RNPEPL1: variants seen among roughly 807,000 people sequenced by gnomAD.
RNPEPL1 encodes arginyl aminopeptidase like 1.
Under a neutral mutation model 69.0 loss-of-function variants are expected in RNPEPL1, and 46 were observed. That is an observed-to-expected ratio of 0.67 (90% CI 0.53 to 0.85). The LOEUF is 0.85. Ranked by LOEUF, RNPEPL1 falls within the 40% of genes least tolerant of loss-of-function variation. The pLI is 0.00. For missense variants in RNPEPL1, 869 were observed against 992.5 expected (o/e 0.88, Z 1.67); for synonymous variants, 525 against 454.1 (o/e 1.16, Z -1.98).
Position 240,573,781 on chromosome 2 carries a change from C to T in RNPEPL1, c.828C>T (p.Arg276=), listed in dbSNP as rs1201504194. 16 of 1,540,506 alleles carry T rather than the reference C, an allele frequency of 1.0e-5. No homozygotes were observed. The highest frequency in any genetic ancestry group is 4.0e-5 in the Admixed American group (2 of 50,396). ...CCCTCTCTGCATGCACCAGGAGCCGCGTGTGGGCCGAGCCATGCCTCCTGC... is the reference window on the plus strand; with the variant it reads ...CCCTCTCTGCATGCACCAGGAGCCGTGTGTGGGCCGAGCCATGCCTCCTGC... The part of the protein sequence containing the change: ...LKPADIGPRS[R]VWAEPCLLPT... The change falls in exon 4 of 11, where the codon CGC becomes CGT. Residue 276 remains arginine (R), a synonymous_variant. Coordinates refer to ENST00000270357, the MANE Select transcript of RNPEPL1 (RefSeq NM_018226.6).
At position 240,574,050 on chromosome 2, in the gene RNPEPL1, C is replaced by T. The variant is rs1325508857; in HGVS notation, c.939-63C>T. ...TCCCTGCTGGGTGGAAGGTGGGGTG[C>T]GGGTGTGCAGGGTGGGAGTCTGAGC... On this transcript the variant is annotated intron_variant, in intron 4 of 10. Transcript: ENST00000270357. 2.2e-5 allele frequency: 33 copies of T among 1,479,142 alleles called. 2 individuals are homozygous for T. Among genetic ancestry groups the T allele is most frequent in the South Asian group, 3.6e-5 (3 of 84,208 alleles). The allele number at this position is 1,479,142 out of a possible 1,614,324, so 91.6% of individuals were successfully genotyped here. A position where few individuals can be genotyped will look rare whatever the true frequency, so the allele number is the denominator to read the frequency against.
chr2:240,575,027 C>T lies in RNPEPL1; in HGVS notation c.1289-3C>T. Reference sequence around the variant, plus strand: ...CCAGCCCAGGTGGGTGTTCACCTTGCAGGAGTGAATCCCAGCCACCTGATG... The same window carrying T: ...CCAGCCCAGGTGGGTGTTCACCTTGTAGGAGTGAATCCCAGCCACCTGATG... On this transcript the variant is annotated splice_polypyrimidine_tract_variant and splice_region_variant and intron_variant, in intron 6 of 10. Transcript: ENST00000270357. 6.2e-7 allele frequency: 1 copy of T among 1,611,720 alleles called. No individual in the cohort carries two copies. The highest frequency in any genetic ancestry group is 8.5e-7 in the Non-Finnish European group (1 of 1,178,162).
chr2:240,575,829 C>T (rs911761907), intron 8 of RNPEPL1: 1 of 573,232 alleles, frequency 1.7e-6, no homozygotes, highest in Non-Finnish European at 3.1e-6. Flanking sequence ...ACAGGCTAAG[C>T]AGGCCGAGTC....
At position 240,580,380 on chromosome 2, in the gene RNPEPL1, C is replaced by A. The variant is rs749297968; in HGVS notation, c.*2488C>A. 7 of 152,248 alleles carry A rather than the reference C, an allele frequency of 4.6e-5. No homozygotes were observed. The highest frequency in any genetic ancestry group is 8.8e-5 in the Non-Finnish European group (6 of 68,088). 9.4% of individuals were successfully genotyped at this position (152,248 alleles called of 1,614,324 possible). A position where few individuals can be genotyped will look rare whatever the true frequency, so the allele number is the denominator to read the frequency against. ...ACATTCCAAATCCTGGCAGGTCGCA[C>A]GTTTTATTAGCACAGCACCCCTCTC... On this transcript the variant is annotated 3_prime_UTR_variant, in exon 11 of 11. Transcript: ENST00000270357.
intron 1 of RNPEPL1, 37 bp downstream of exon 1, chr2:240,569,151 C>A: frequency 1.4e-6 from 2 of 1,403,792 alleles, no homozygotes; most frequent in South Asian, 3.0e-5. Flanking sequence ...GCGGGCCGGT[C>A]CGCAGGGCGC....
At position 240,568,957 on chromosome 2, in the gene RNPEPL1, A is replaced by T; in HGVS notation, c.371A>T (p.Glu124Val). 1 of 1,406,078 alleles carries T rather than the reference A, an allele frequency of 7.1e-7. No individual in the cohort carries two copies. The highest frequency in any genetic ancestry group is 1.5e-5 in the South Asian group (1 of 67,278). 87.1% of individuals were successfully genotyped at this position (1,406,078 alleles called of 1,614,324 possible). Residue 124 changes from glutamate (E) to valine (V), a missense_variant, in exon 1 of 11, where the codon GAG (glutamate) becomes GTG (valine). This residue lies in a region of RNPEPL1 where 259 missense variants were observed against 201.5 expected (regional missense o/e 1.29). Transcript: ENST00000270357. The surrounding 1 kb of genome is among the most constrained non-coding windows in gnomAD (Gnocchi z 6.2). ...APPPPLPAFP[E>V]APGSEPACCP... ...CCGCCCCCGCTGCCCGCCTTCCCCG[A>T]GGCGCCCGGCTCCGAGCCCGCCTGC...
At chr2:240,574,841 GGTGT>G (rs1302955734) in intron 6 of RNPEPL1, 185 bp from the exon 7 acceptor site, 1 of 658,920 alleles carries the variant, frequency 1.5e-6, no homozygotes, top group African/African-American at 1.8e-5. Context: ...CAGTCACAGT[GGTGT>G]GTGAGTCCTC....
chr2:240,575,604 C>T lies in RNPEPL1; in HGVS notation c.1504C>T (p.Arg502Trp), dbSNP rs781682659. The T allele has an allele frequency of 7.4e-6, 12 of 1,612,844 alleles. No individual in the cohort carries two copies. The highest frequency in any genetic ancestry group is 1.7e-5 in the Admixed American group (1 of 60,004). ...GCTGAAGGAGCAGAGCGTGGACTGC[C>T]GGGCAGGTGAGGCTGACCCCCAACC... ...PELKEQSVDC[R>W]AGLEFERWLN... is the part of the protein sequence containing the mutation. Residue 502 changes from arginine to tryptophan, a missense_variant, in exon 8 of 11, where the codon CGG becomes TGG. Arg to Trp is a moderately radical substitution (Grantham distance 101). Around this residue, in one of 2 missense-constraint regions of RNPEPL1, gnomAD observed 610 missense variants for 790.9 expected, o/e 0.77. Coordinates refer to ENST00000270357, the MANE Select transcript of RNPEPL1 (RefSeq NM_018226.6).
rs2093026827 is a variant in RNPEPL1 at position 240,573,099 on chromosome 2, C to T, written c.670-11C>T. 1.9e-6 allele frequency: 3 copies of T among 1,592,500 alleles called. No homozygotes were observed. Among genetic ancestry groups the T allele is most frequent in the Admixed American group, 1.7e-5 (1 of 58,256 alleles). On this transcript the variant is annotated splice_polypyrimidine_tract_variant and intron_variant, in intron 2 of 10. Transcript: ENST00000270357. The stretch of plus-strand genomic sequence containing the variant: ...GTGGGGCCACCCGGTCTCAGTCCGG[C>T]CTCCTTACAGGCGCCATCGGGGGTG...
At position 240,568,784 on chromosome 2, in the gene RNPEPL1, C is replaced by T; in HGVS notation, c.198C>T (p.Cys66=). ...CCGGCTGCCTGGTGCTCGAGCTGTG[C>T]GCGCTGCGGCCCGCGCCCCGCGCGC... ...ELAGCLVLEL[C]ALRPAPRALV... is the part of the protein sequence containing the mutation. Residue 66 remains cysteine, a synonymous_variant, in exon 1 of 11, where the codon TGC becomes TGT. Transcript: ENST00000270357. This position sits in a 1 kb window ranked among gnomAD's most constrained non-coding sequence, Gnocchi z 6.2. 1 of 1,075,956 alleles carries T rather than the reference C, an allele frequency of 9.3e-7. No homozygotes were observed. Among genetic ancestry groups the T allele is most frequent in the Non-Finnish European group, 1.1e-6 (1 of 887,466 alleles). 66.7% of individuals were successfully genotyped at this position (1,075,956 alleles called of 1,614,324 possible). A position where few individuals can be genotyped will look rare whatever the true frequency, so the allele number is the denominator to read the frequency against.
intron 6 of RNPEPL1, 79 bp from the exon 7 acceptor site, chr2:240,574,951 A>G: frequency 9.2e-7 from 1 of 1,085,530 alleles, no homozygotes. Flanking sequence ...TGCTCCTCGG[A>G]GCCTGACCAC....
At chr2:240,573,308 A>G (rs1291352918) in intron 3 of RNPEPL1, 47 bp downstream of exon 3, 14 of 1,521,668 alleles carry the variant, frequency 9.2e-6, no homozygotes, top group Non-Finnish European at 1.2e-5. Context: ...GGCCTCGGGG[A>G]GAGCCCCACC....
chr2:240,575,197 C>T (rs1216815343), intron 7 of RNPEPL1, 55 bp downstream of exon 7: 2 of 1,398,768 alleles, frequency 1.4e-6, no homozygotes, highest in East Asian at 4.6e-5. Flanking sequence ...CAGCCCCTCC[C>T]CGGCTCACAG....
chr2:240,575,678 C>CA, intron 8 of RNPEPL1, 68 bp downstream of exon 8: 1 of 1,227,598 alleles, frequency 8.1e-7, no homozygotes, highest in Non-Finnish European at 1.2e-6. Flanking sequence ...CCTCTGCTGC[C>CA]TGAGGGGCCA....
At chr2:240,573,413 C>CGCCCTGCCT (rs2093028204) in intron 3 of RNPEPL1, 152 bp downstream of exon 3, 1 of 749,554 alleles carries the variant, frequency 1.3e-6, no homozygotes, top group Non-Finnish European at 2.1e-6. Flanking sequence ...TTGGTGCCAC[C>CGCCCTGCCT]GCCAGGGCCC....
Position 240,573,824 on chromosome 2 carries a change from C to G in RNPEPL1, c.871C>G (p.Leu291Val). The stretch of plus-strand genomic sequence containing the variant: ...CCTCCTGCCCACGGCCACCAGCAAG[C>G]TGTCGGGCGCAGTGGAGCAGTGGCT... ...PCLLPTATSK[L>V]SGAVEQWLSA... Residue 291 changes from leucine (L) to valine (V), a missense_variant, in exon 4 of 11, where the codon CTG becomes GTG. Physicochemically the swap from Leu to Val is conservative, Grantham distance 32. This residue lies in a region of RNPEPL1 where 610 missense variants were observed against 790.9 expected (regional missense o/e 0.77). Transcript: ENST00000270357. 6.4e-7 allele frequency: 1 copy of G among 1,552,150 alleles called. No individual in the cohort carries two copies.
chr2:240,575,625 C>G lies in RNPEPL1; in HGVS notation c.1510+15C>G. ...CTGCCGGGCAGGTGAGGCTGACCCC[C>G]AACCCTGCAGCCAGGGAGCCGTGGG... is the stretch of plus-strand genomic sequence containing the variant. On this transcript the variant is annotated intron_variant, in intron 8 of 10. Coordinates refer to ENST00000270357, the MANE Select transcript of RNPEPL1 (RefSeq NM_018226.6). 2 of 1,605,444 alleles carry G rather than the reference C, an allele frequency of 1.2e-6. No homozygotes were observed. The highest frequency in any genetic ancestry group is 1.7e-6 in the Non-Finnish European group (2 of 1,173,020).
intron 3 of RNPEPL1, 45 bp from the exon 4 acceptor site, chr2:240,573,730 G>A: frequency 6.9e-7 from 1 of 1,455,078 alleles, no homozygotes; most frequent in Non-Finnish European, 9.2e-7. Flanking sequence ...GGGTGAGCGG[G>A]GCTGGGGCTG....
Position 240,576,866 on chromosome 2 carries a change from C to T in RNPEPL1, c.1760C>T (p.Ser587Phe). ...PLPQEVVMSL[S>F]KCYSSLLDSM... ...GCTGCAGAGGTGGTGATGAGCCTGTCCAAGTGCTACTCCTCCCTGCTGGAC... is the reference window on the plus strand; with the variant it reads ...GCTGCAGAGGTGGTGATGAGCCTGTTCAAGTGCTACTCCTCCCTGCTGGAC... Residue 587 changes from serine to phenylalanine, a missense_variant, in exon 10 of 11, where the codon TCC (serine) becomes TTC (phenylalanine). Ser to Phe is a radical substitution (Grantham distance 155). This residue lies in a region of RNPEPL1 where 610 missense variants were observed against 790.9 expected (regional missense o/e 0.77). Transcript: ENST00000270357. The T allele has an allele frequency of 6.2e-7, 1 of 1,613,162 alleles. No individual in the cohort carries two copies. The highest frequency in any genetic ancestry group is 8.5e-7 in the Non-Finnish European group (1 of 1,179,956).
Sources: allele counts gnomAD v4.1 joint callset, GRCh38; gene constraint gnomAD v4.1.1; regional missense constraint gnomAD v4.1.1; non-coding constraint Gnocchi (gnomAD v3.1); transcripts MANE v1.5; gene names NCBI Gene and HGNC (gene_info 2026-07-23, HGNC 2026-07-21).